ARNT2: variants seen among roughly 807,000 people sequenced by gnomAD.
The protein encoded by ARNT2 is aryl hydrocarbon receptor nuclear translocator 2, also known as ARNT protein 2.
ARNT2 carries 36 observed loss-of-function variants against 91.7 expected under a neutral mutation model. That is an observed-to-expected ratio of 0.39 (90% confidence interval 0.30 to 0.52). ARNT2 has a LOEUF of 0.52. ARNT2 is among the 20% of genes least tolerant of loss of function. The probability of loss-of-function intolerance (pLI) is 0.72; values close to 1 mark genes in which losing one functional copy is unlikely to be tolerated. For missense variants in ARNT2, 775 were observed against 939.3 expected, an observed-to-expected ratio of 0.83 and a Z score of 2.29; for synonymous variants, 365 against 347.1, an observed-to-expected ratio of 1.05 and a Z score of -0.57.
In ARNT2 at chr15:80,581,537, C is replaced by T. The variant is rs918658286; in HGVS notation, c.1918+133C>T. 10 of 1,162,208 alleles carry T rather than the reference C, an allele frequency of 8.6e-6. No homozygotes were observed. The Admixed American group carries it at 1.7e-4, about 20-fold the overall frequency. The allele number at this position is 1,162,208 out of a possible 1,614,324, so 72.0% of individuals were successfully genotyped here. ...GTCTGGAGGTTTCCAAGCACCTCCT[C>T]TCTCTCTGGCTATGAGGAGGCCTAT... On this transcript the variant is annotated intron_variant, in intron 17 of 18. Transcript: ENST00000303329.
intron 3 of ARNT2, among the ~76,000 whole-genome samples, chr15:80,460,622 A>G (rs1419125181): frequency 6.6e-6 from 1 of 152,178 alleles, no homozygotes; most frequent in Non-Finnish European, 1.5e-5. Flanking sequence ...CTCTGCCTAC[A>G]TTCGAAGTTT....
At chr15:80,498,588 T>C (rs1897150713) in intron 5 of ARNT2, among the ~76,000 whole-genome samples, 1 of 152,168 alleles carries the variant, frequency 6.6e-6, no homozygotes, top group Non-Finnish European at 1.5e-5. Context: ...GTACCTCCTA[T>C]AACTCCACCA....
intron 17 of ARNT2, among the ~76,000 whole-genome samples, chr15:80,588,330 G>A (rs753962989): frequency 5.9e-5 from 9 of 151,754 alleles, no homozygotes; most frequent in Admixed American, 1.3e-4. Flanking sequence ...AGCCACTGTC[G>A]TCTCTTGCAA....
chr15:80,557,787 A>T (rs1034117156), intron 11 of ARNT2, among the ~76,000 whole-genome samples: 6 of 151,928 alleles, frequency 3.9e-5, no homozygotes, highest in Non-Finnish European at 8.8e-5. Flanking sequence ...CCTGAACCAG[A>T]TCACCCCATC....
At chr15:80,500,578 A>G (rs1897177684) in intron 5 of ARNT2, among the ~76,000 whole-genome samples, 1 of 152,220 alleles carries the variant, frequency 6.6e-6, no homozygotes. Flanking sequence ...TCTTCTTTTT[A>G]AAAAGTTACT....
intron 2 of ARNT2, among the ~76,000 whole-genome samples, chr15:80,455,269 T>C (rs1373517117): frequency 6.6e-6 from 1 of 152,184 alleles, no homozygotes; most frequent in African/African-American, 2.4e-5. Context: ...GATTGAGTCA[T>C]CCTGAGTATT....
rs1896379229 is a variant in ARNT2 at position 80,450,954 on chromosome 15, G to A, written c.106G>A (p.Ala36Thr). 2 of 1,614,150 alleles carry A rather than the reference G, an allele frequency of 1.2e-6. No individual in the cohort carries two copies. The highest frequency in any genetic ancestry group is 1.7e-6 in the Non-Finnish European group (2 of 1,180,036). Residue 36 changes from alanine to threonine, a missense_variant, in exon 2 of 19, where the codon GCG (alanine) becomes ACG (threonine). Transcript: ENST00000303329. ...PMAATGQVRM[A>T]GAMPARGGKR... ...GGCGGCCACCGGACAGGTGAGGATG[G>A]CGGGGGCCATGCCTGCCCGTGGAGG...
chr15:80,576,636 G>A (rs1898680286), intron 14 of ARNT2, among the ~76,000 whole-genome samples: 1 of 152,220 alleles, frequency 6.6e-6, no homozygotes, highest in South Asian at 2.1e-4. Context: ...AGCAGCCTGT[G>A]GCCTAGCCTA....
chr15:80,517,971 TA>T (rs1265855831), intron 8 of ARNT2, among the ~76,000 whole-genome samples: 1 of 152,258 alleles, frequency 6.6e-6, no homozygotes, highest in Non-Finnish European at 1.5e-5. Flanking sequence ...TGTGATTTCA[TA>T]ATGTGTTTCA....
chr15:80,484,196 CAACTT>C (rs1249046512), intron 5 of ARNT2, among the ~76,000 whole-genome samples: 1 of 144,650 alleles, frequency 6.9e-6, no homozygotes, highest in Non-Finnish European at 1.5e-5. Context: ...AAAAAAAAAA[CAACTT>C]GATTTGATCT....
chr15:80,569,455 G>A (rs991075222), intron 12 of ARNT2, among the ~76,000 whole-genome samples: 9 of 152,134 alleles, frequency 5.9e-5, no homozygotes, highest in Admixed American at 2.6e-4. Flanking sequence ...TACCATTGCC[G>A]TGAAATGTCT....
intron 5 of ARNT2, among the ~76,000 whole-genome samples, chr15:80,483,187 C>T (rs1311454893): frequency 2.0e-5 from 3 of 152,212 alleles, no homozygotes; most frequent in African/African-American, 7.2e-5. Flanking sequence ...ATTGCAGCTC[C>T]CATCCCAGGC....
chr15:80,575,434 C>T (rs1395084615), intron 14 of ARNT2, among the ~76,000 whole-genome samples: 1 of 152,094 alleles, frequency 6.6e-6, no homozygotes, highest in Non-Finnish European at 1.5e-5. Flanking sequence ...TGCAGAGAGC[C>T]CTGGGCACCC....
chr15:80,483,088 G>A (rs1896913615), intron 5 of ARNT2, among the ~76,000 whole-genome samples: 1 of 152,152 alleles, frequency 6.6e-6, no homozygotes, highest in Non-Finnish European at 1.5e-5. Flanking sequence ...TTACTTGGAA[G>A]GTAAACCCTG....
intron 5 of ARNT2, among the ~76,000 whole-genome samples, chr15:80,495,442 T>TGC (rs1230298439): frequency 6.6e-6 from 1 of 152,230 alleles, no homozygotes. Context: ...GCTCCTAAAA[T>TGC]CTAAATTATT....
At chr15:80,439,749 A>G (rs971378038) in intron 1 of ARNT2, among the ~76,000 whole-genome samples, 1 of 152,138 alleles carries the variant, frequency 6.6e-6, no homozygotes, top group Non-Finnish European at 1.5e-5. Context: ...CACTGTGAAG[A>G]GGTCTCTGCA....
At chr15:80,498,858 T>C (rs1897154478) in intron 5 of ARNT2, among the ~76,000 whole-genome samples, 2 of 152,184 alleles carry the variant, frequency 1.3e-5, no homozygotes, top group Non-Finnish European at 2.9e-5. Flanking sequence ...TTCTGTTCGG[T>C]GGGTGCCGTC....
chr15:80,491,821 T>TA (rs1156740446), intron 5 of ARNT2, among the ~76,000 whole-genome samples: 2 of 121,562 alleles, frequency 1.6e-5, no homozygotes, highest in Non-Finnish European at 3.5e-5. Flanking sequence ...TTTTTTTTTT[T>TA]AAGTATAGGC....
chr15:80,543,565 C>T (rs144511420), intron 8 of ARNT2, among the ~76,000 whole-genome samples: 87 of 152,314 alleles, frequency 5.7e-4, no homozygotes, highest in African/African-American at 2.0e-3. Flanking sequence ...CCTCCTCCTT[C>T]ACAGACTTTT....
Sources: allele counts gnomAD v4.1 joint callset (sites outside exome capture counted in the v4.1 genomes callset), GRCh38; gene constraint gnomAD v4.1.1; transcripts MANE v1.5; gene names NCBI Gene and HGNC (gene_info 2026-07-23, HGNC 2026-07-21).